The following WIF1 variants were observed in gnomAD, a reference collection of about 807,000 sequenced individuals.
WIF1 encodes Wnt inhibitory factor 1.
A neutral mutation model predicts 53.5 loss-of-function variants in WIF1; 35 were observed. The observed-to-expected ratio is 0.65, with a 90% CI of 0.50 to 0.87. WIF1 has a LOEUF of 0.87. Ranked by LOEUF, WIF1 falls within the 40% of genes least tolerant of loss-of-function variation. The pLI is 0.00. For synonymous variants in WIF1, 171 were observed against 170.4 expected (o/e 1.00, Z -0.03); for missense variants, 467 against 476.8 (o/e 0.98, Z 0.19).
At chr12:65,057,389 G>C (rs916065568) in intron 7 of WIF1, among the ~76,000 whole-genome samples, 13 of 152,144 alleles carry the variant, frequency 8.5e-5, no homozygotes, top group African/African-American at 3.1e-4. Context: ...GCTGGAGTAA[G>C]GCCCTAGGTG....
chr12:65,072,108 C>T (rs1234326373), intron 3 of WIF1, among the ~76,000 whole-genome samples: 3 of 152,050 alleles, frequency 2.0e-5, no homozygotes, highest in Non-Finnish European at 4.4e-5. Context: ...AAGAATTTTG[C>T]TTTAAAAAAA....
chr12:65,091,188 T>A (rs1303785553), intron 2 of WIF1, among the ~76,000 whole-genome samples: 1 of 151,730 alleles, frequency 6.6e-6, no homozygotes, highest in Non-Finnish European at 1.5e-5. Context: ...ATCAGTAAAA[T>A]CCAGACTATA....
At chr12:65,116,897 C>T (rs1883519509) in intron 2 of WIF1, among the ~76,000 whole-genome samples, 1 of 134,666 alleles carries the variant, frequency 7.4e-6, no homozygotes, top group South Asian at 2.4e-4. Flanking sequence ...CACCCCACTA[C>T]ACTCCAGCCT....
At chr12:65,096,209 T>C (rs963832920) in intron 2 of WIF1, among the ~76,000 whole-genome samples, 3 of 152,152 alleles carry the variant, frequency 2.0e-5, no homozygotes, top group Non-Finnish European at 4.4e-5. Context: ...GCAAAGGATA[T>C]GAACAGACAC....
At chr12:65,094,512 G>T (rs985740646) in intron 2 of WIF1, among the ~76,000 whole-genome samples, 1 of 152,026 alleles carries the variant, frequency 6.6e-6, no homozygotes, top group African/African-American at 2.4e-5. Flanking sequence ...AGAAATGTGG[G>T]TGTTTAGTGT....
intron 2 of WIF1, among the ~76,000 whole-genome samples, chr12:65,119,939 A>G (rs1167117769): frequency 6.6e-6 from 1 of 152,244 alleles, no homozygotes; most frequent in Non-Finnish European, 1.5e-5. Flanking sequence ...AACTTCTACC[A>G]GAAATATGCA....
chr12:65,115,839 A>C (rs999325388), intron 2 of WIF1, among the ~76,000 whole-genome samples: 1 of 152,204 alleles, frequency 6.6e-6, no homozygotes, highest in Non-Finnish European at 1.5e-5. Flanking sequence ...GGGGGACCTC[A>C]AAAGAAATTG....
chr12:65,087,825 C>G (rs917979556), intron 2 of WIF1, among the ~76,000 whole-genome samples: 9 of 151,054 alleles, frequency 6.0e-5, no homozygotes, highest in Non-Finnish European at 1.0e-4. Context: ...AAGAGTCAAA[C>G]AGGAAAAAAA....
chr12:65,055,255 C>A, intron 8 of WIF1, 42 bp from the exon 9 acceptor site: 1 of 1,591,622 alleles, frequency 6.3e-7, no homozygotes, highest in Non-Finnish European at 8.5e-7. Context: ...CTGAGCTTTC[C>A]TTTTTCAACA....
intron 8 of WIF1, among the ~76,000 whole-genome samples, chr12:65,055,750 G>C (rs1882514544): frequency 6.6e-6 from 1 of 152,250 alleles, no homozygotes; most frequent in Non-Finnish European, 1.5e-5. Flanking sequence ...ACTCCAGCCT[G>C]GGCGACAGAG....
In WIF1 at chr12:65,109,704, A is replaced by G. The variant is rs1411820629; in HGVS notation, c.288+10713T>C. Reference sequence around the variant, plus strand: ...CAGATCTGAGGAAAGTCTCTGAAGTATATAAATATGTGCATAAGTGTTCTT... The same window carrying G: ...CAGATCTGAGGAAAGTCTCTGAAGTGTATAAATATGTGCATAAGTGTTCTT... On this transcript the variant is annotated intron_variant, in intron 2 of 9. Coordinates refer to ENST00000286574, the MANE Select transcript of WIF1 (RefSeq NM_007191.5). Among the ~76,000 whole-genome samples the G allele has an allele frequency of 4.6e-5, 7 of 152,374 alleles. No homozygotes were observed. In the East Asian group the frequency reaches 9.6e-4, roughly 21 times the overall value.
chr12:65,066,735 G>T lies in WIF1; in HGVS notation c.636C>A (p.Ala212=). 6.3e-7 allele frequency: 1 copy of T among 1,590,118 alleles called. No homozygotes were observed. The change falls in exon 6 of 10, where the codon GCC becomes GCA. Residue 212 remains alanine, a splice_region_variant and synonymous_variant. Transcript: ENST00000286574. The part of the protein sequence containing the change: ...DGFHGPHCEK[A]LCTPRCMNGG... ...CATTCATACATCGTGGGGTACAAAGGGCTTATAGGGAGAGAGAACCCTGAT... is the reference window on the plus strand; with the variant it reads ...CATTCATACATCGTGGGGTACAAAGTGCTTATAGGGAGAGAGAACCCTGAT...
rs933962715 is a variant in WIF1 at position 65,050,682 on chromosome 12, T to A, written c.*667A>T. 1 of 181,978 alleles carries A rather than the reference T, an allele frequency of 5.5e-6. No homozygotes were observed. 11.3% of individuals were successfully genotyped at this position (181,978 alleles called of 1,614,324 possible). On this transcript the variant is annotated 3_prime_UTR_variant, in exon 10 of 10. Transcript: ENST00000286574. Reference sequence around the variant, plus strand: ...ACATACAAACAGTATAAAATGTTTATTAGGTAAGAGCTGTGTTTTGTTTAC... The same window carrying A: ...ACATACAAACAGTATAAAATGTTTAATAGGTAAGAGCTGTGTTTTGTTTAC...
chr12:65,069,181 T>C (rs1882734774), intron 3 of WIF1, among the ~76,000 whole-genome samples: 1 of 152,208 alleles, frequency 6.6e-6, no homozygotes, highest in Non-Finnish European at 1.5e-5. Flanking sequence ...TTGTACTATC[T>C]TAAATATTTT....
chr12:65,061,887 A>G (rs1048946987), intron 7 of WIF1, among the ~76,000 whole-genome samples: 3 of 152,228 alleles, frequency 2.0e-5, no homozygotes, highest in Non-Finnish European at 4.4e-5. Context: ...TTGAACTTCA[A>G]AAAGATGGGA....
chr12:65,076,278 C>T (rs964996439), intron 3 of WIF1, among the ~76,000 whole-genome samples: 1 of 151,968 alleles, frequency 6.6e-6, no homozygotes, highest in African/African-American at 2.4e-5. Context: ...CACAAGGAAT[C>T]CTCCCCCCTC....
At chr12:65,057,158 C>T (rs1455321973) in intron 7 of WIF1, among the ~76,000 whole-genome samples, 3 of 152,076 alleles carry the variant, frequency 2.0e-5, no homozygotes, top group Non-Finnish European at 4.4e-5. Flanking sequence ...GGGTGGAAAA[C>T]AGGAGTATGG....
At chr12:65,053,717 TTAAAG>T (rs1343274838) in intron 9 of WIF1, among the ~76,000 whole-genome samples, 1 of 152,070 alleles carries the variant, frequency 6.6e-6, no homozygotes, top group African/African-American at 2.4e-5. Context: ...CCAACCTACC[TTAAAG>T]TAAACAGATG....
chr12:65,057,501 T>C (rs1174685187), intron 7 of WIF1, among the ~76,000 whole-genome samples: 2 of 152,158 alleles, frequency 1.3e-5, no homozygotes, highest in African/African-American at 4.8e-5. Flanking sequence ...TTTGAAGAAG[T>C]GGAAGATAAG....
Sources: gnomAD v4.1 joint callset for allele counts (sites outside exome capture counted in the v4.1 genomes callset) on GRCh38, gnomAD v4.1.1 for gene constraint, MANE v1.5 for transcripts, NCBI Gene and HGNC (gene_info 2026-07-23, HGNC 2026-07-21) for gene names.